Variants in FRMD4A observed in about 807,000 individuals in gnomAD.
The protein encoded by FRMD4A is FERM domain containing 4A.
Under a neutral mutation model 129.1 loss-of-function variants are expected in FRMD4A, and 29 were observed. That is an observed-to-expected ratio of 0.22 (90% CI 0.17 to 0.31). FRMD4A has a LOEUF of 0.31. Among genes scored for constraint, FRMD4A ranks in the 10% least tolerant of loss-of-function variants. The pLI is 1.00. For missense variants in FRMD4A, 1,272 were observed against 1,375.8 expected, an observed-to-expected ratio of 0.92 and a Z score of 1.19; for synonymous variants, 634 against 571.6, an observed-to-expected ratio of 1.11 and a Z score of -1.56.
At chr10:13,685,067 G>A (rs1051538310) in intron 15 of FRMD4A, 23 of 984,722 alleles carry the variant, frequency 2.3e-5, no homozygotes, top group African/African-American at 1.4e-4. Flanking sequence ...AGGAGACCAC[G>A]GGAAATAATG....
In FRMD4A at chr10:13,660,540, A is replaced by G; in HGVS notation, c.1674T>C (p.Val558=). ...AATGTAGGGGGGATATTGTGCTGGTAACCTGAGAGTCTTCTGCACAAAGAC... is the reference window on the plus strand; with the variant it reads ...AATGTAGGGGGGATATTGTGCTGGTGACCTGAGAGTCTTCTGCACAAAGAC... ...ALVLEDEDSQ[V]TSTISPLHSP... Residue 558 remains valine (V), a synonymous_variant, in exon 20 of 25, where the codon GTT becomes GTC. Coordinates refer to ENST00000357447, the MANE Select transcript of FRMD4A (RefSeq NM_018027.5). The G allele has an allele frequency of 6.2e-7, 1 of 1,602,368 alleles. No homozygotes were observed. Among genetic ancestry groups the G allele is most frequent in the Middle Eastern group, 1.7e-4 (1 of 5,998 alleles).
Position 13,994,013 on chromosome 10 carries a change from C to CTTTT in FRMD4A, c.46-135105_46-135102dup, listed in dbSNP as rs551387633. 4.5e-4 allele frequency among the ~76,000 whole-genome samples: 61 copies of CTTTT among 134,576 alleles called. 2 individuals are homozygous for CTTTT. Among genetic ancestry groups the CTTTT allele is most frequent in the South Asian group, 2.7e-3 (11 of 4,110 alleles). 88.3% of individuals were successfully genotyped at this position (134,576 alleles called of 152,430 possible). A position where few individuals can be genotyped will look rare whatever the true frequency, so the allele number is the denominator to read the frequency against. On this transcript the variant is annotated intron_variant, in intron 2 of 24. Transcript: ENST00000357447. ...TGTAGATATTTAGGGTGGGACAGTCCTTTTTTTTTTTTTTGAGATGGAGCC... is the reference window on the plus strand; with the variant it reads ...TGTAGATATTTAGGGTGGGACAGTCCTTTTTTTTTTTTTTTTTTGAGATGGAGCC...
intron 2 of FRMD4A, among the ~76,000 whole-genome samples, chr10:14,029,739 A>T (rs1041937990): frequency 6.6e-6 from 1 of 152,034 alleles, no homozygotes; most frequent in African/African-American, 2.4e-5. Flanking sequence ...AAGTACTGAG[A>T]TACTTTTAAA....
intron 9 of FRMD4A, among the ~76,000 whole-genome samples, chr10:13,741,106 C>T (rs112661574): frequency 0.074 from 11,295 of 152,100 alleles, 1,427 homozygotes; most frequent in African/African-American, 0.26. Context: ...GGATTACAGG[C>T]GTGAGCCACC....
chr10:14,141,909 T>G (rs1839854801), intron 2 of FRMD4A, among the ~76,000 whole-genome samples: 1 of 152,164 alleles, frequency 6.6e-6, no homozygotes, highest in South Asian at 2.1e-4. Flanking sequence ...CCTGGCGTAG[T>G]GACTGAATTC....
At chr10:13,942,969 T>C (rs2095304707) in intron 2 of FRMD4A, among the ~76,000 whole-genome samples, 1 of 152,104 alleles carries the variant, frequency 6.6e-6, no homozygotes, top group Non-Finnish European at 1.5e-5. Context: ...TGTCTTTTGA[T>C]TTCATTTTCC....
At chr10:14,064,861 A>G (rs1834982033) in intron 2 of FRMD4A, among the ~76,000 whole-genome samples, 1 of 152,164 alleles carries the variant, frequency 6.6e-6, no homozygotes, top group Non-Finnish European at 1.5e-5. Flanking sequence ...TAAAGGTGTG[A>G]GCCACCGCGC....
chr10:14,206,755 T>G (rs1158692775), intron 2 of FRMD4A, among the ~76,000 whole-genome samples: 2 of 124,608 alleles, frequency 1.6e-5, no homozygotes, highest in Non-Finnish European at 3.1e-5. Context: ...TGCAGTGAGC[T>G]GAGATCGCGC....
At chr10:13,769,209 TTG>T (rs10558943) in intron 6 of FRMD4A, among the ~76,000 whole-genome samples, 55,488 of 144,790 alleles carry the variant, frequency 0.38, 10,662 homozygotes, top group East Asian at 0.49. Flanking sequence ...AAGAGATGGG[TTG>T]TGTGTGTGTG....
chr10:13,651,785 A>C (rs750713120), intron 24 of FRMD4A, 118 bp downstream of exon 24: 9 of 682,306 alleles, frequency 1.3e-5, no homozygotes, highest in Non-Finnish European at 2.4e-5. Flanking sequence ...TGTATCTAGA[A>C]ATAAGGCATA....
intron 2 of FRMD4A, among the ~76,000 whole-genome samples, chr10:13,926,125 C>T (rs17632029): frequency 0.11 from 16,129 of 152,132 alleles, 1,054 homozygotes; most frequent in Non-Finnish European, 0.15. Context: ...CAGTTTTGAC[C>T]TGTTTCTGCT....
intron 2 of FRMD4A, among the ~76,000 whole-genome samples, chr10:13,948,119 G>T (rs1197169471): frequency 2.0e-5 from 3 of 151,460 alleles, no homozygotes; most frequent in Non-Finnish European, 4.4e-5. Flanking sequence ...AGCAAATATG[G>T]TTCTCATTAA....
chr10:14,214,971 G>GT (rs34440483), intron 2 of FRMD4A, among the ~76,000 whole-genome samples: 1 of 152,104 alleles, frequency 6.6e-6, no homozygotes, highest in Admixed American at 6.6e-5. Context: ...CATTGTTCCA[G>GT]TTTTTTTGCA....
chr10:13,917,148 T>G (rs2095018165), intron 2 of FRMD4A, among the ~76,000 whole-genome samples: 1 of 152,116 alleles, frequency 6.6e-6, no homozygotes, highest in Non-Finnish European at 1.5e-5. Context: ...AGGTGACAAA[T>G]TATGCAGCTC....
At chr10:14,290,664 T>C (rs912271630) in intron 2 of FRMD4A, among the ~76,000 whole-genome samples, 1 of 152,086 alleles carries the variant, frequency 6.6e-6, no homozygotes, top group Non-Finnish European at 1.5e-5. Context: ...ATCATGAGAT[T>C]GGGCTTGGCA....
At chr10:14,175,816 C>G (rs1048397486) in intron 2 of FRMD4A, among the ~76,000 whole-genome samples, 4 of 152,172 alleles carry the variant, frequency 2.6e-5, no homozygotes, top group Admixed American at 2.0e-4. Flanking sequence ...TGAGCCGCTG[C>G]TCAGGGTCCA....
intron 2 of FRMD4A, among the ~76,000 whole-genome samples, chr10:14,145,695 G>A (rs372964120): frequency 5.9e-4 from 90 of 152,294 alleles, no homozygotes; most frequent in Non-Finnish European, 7.8e-4. Flanking sequence ...AACATGTCCT[G>A]TGTCACACAA....
chr10:14,302,522 T>C (rs963915940), intron 2 of FRMD4A, among the ~76,000 whole-genome samples: 2 of 152,206 alleles, frequency 1.3e-5, no homozygotes, highest in Non-Finnish European at 2.9e-5. Context: ...AAACTTCTCT[T>C]CACTTCAGCT....
At chr10:14,128,046 CTCTTTCTTTCTTTCTTTCTT>C (rs534411383) in intron 2 of FRMD4A, among the ~76,000 whole-genome samples, 1,168 of 77,986 alleles carry the variant, frequency 0.015, 48 homozygotes, top group East Asian at 0.037. Flanking sequence ...CTTTCTTTCC[CTCTTTCTTTCTTTCTTTCTT>C]TCTTTCTTTC....
Sources: allele counts gnomAD v4.1 joint callset (sites outside exome capture counted in the v4.1 genomes callset), GRCh38; gene constraint gnomAD v4.1.1; transcripts MANE v1.5; gene names NCBI Gene and HGNC (gene_info 2026-07-23, HGNC 2026-07-21).